KIF13B: variants seen among roughly 807,000 people sequenced by gnomAD.
The protein encoded by KIF13B is kinesin family member 13B, also known as kinesin-like protein KIF13B.
In KIF13B, 127 loss-of-function variants were observed where a neutral mutation model predicts 222.0. That is an observed-to-expected ratio of 0.57 (90% CI 0.50 to 0.66). KIF13B has a LOEUF of 0.66. KIF13B is among the 30% of genes least tolerant of loss of function. KIF13B has a pLI of 0.00. For missense variants in KIF13B, 2,173 were observed against 2,379.0 expected, an observed-to-expected ratio of 0.91 and a Z score of 1.80; for synonymous variants, 976 against 919.0, an observed-to-expected ratio of 1.06 and a Z score of -1.12.
intron 2 of KIF13B, among the ~76,000 whole-genome samples, chr8:29,238,768 A>C (rs1815625986): frequency 6.6e-6 from 1 of 152,210 alleles, no homozygotes. Flanking sequence ...AACACCAAAA[A>C]AATCAGTGTT....
chr8:29,169,425 T>G (rs1312960284), intron 10 of KIF13B, among the ~76,000 whole-genome samples: 4 of 152,170 alleles, frequency 2.6e-5, no homozygotes, highest in Non-Finnish European at 4.4e-5. Context: ...ACAGAGAAAG[T>G]TCAGGCCTGA....
In KIF13B at chr8:29,236,674, G is replaced by T. The variant is rs74536399; in HGVS notation, c.149+8672C>A. On this transcript the variant is annotated intron_variant, in intron 2 of 39. Transcript: ENST00000524189. ...TTAATTAAAAGTATATATAAATTACGTTTGATAGAAGTAAAGCAAAGGTGA... is the reference window on the plus strand; with the variant it reads ...TTAATTAAAAGTATATATAAATTACTTTTGATAGAAGTAAAGCAAAGGTGA... Among the ~76,000 whole-genome samples the T allele has an allele frequency of 9.7e-3, 1,482 of 152,084 alleles. 36 individuals carry two copies. Among genetic ancestry groups the T allele is most frequent in the African/African-American group, 0.035 (1,435 of 41,486 alleles).
At chr8:29,155,933 CTT>C (rs553813055) in intron 13 of KIF13B, 77 bp from the exon 14 acceptor site, 1 of 1,196,766 alleles carries the variant, frequency 8.4e-7, no homozygotes, top group South Asian at 1.3e-5. Flanking sequence ...ACTGAGCCCT[CTT>C]ATATTGTCCT....
intron 2 of KIF13B, among the ~76,000 whole-genome samples, chr8:29,240,037 GA>G (rs35425328): frequency 0.023 from 3,067 of 131,524 alleles, 87 homozygotes; most frequent in African/African-American, 0.076. Context: ...CACAAAAGAG[GA>G]AAAAAAAAAA....
intron 24 of KIF13B, 109 bp from the exon 25 acceptor site, chr8:29,127,377 CTG>C (rs1293996399): frequency 3.6e-6 from 3 of 837,302 alleles, no homozygotes; most frequent in Non-Finnish European, 5.7e-6. Context: ...AATTCAGACA[CTG>C]TCACTATACC....
intron 35 of KIF13B, among the ~76,000 whole-genome samples, chr8:29,103,601 G>A (rs1383894243): frequency 6.6e-6 from 1 of 152,144 alleles, no homozygotes; most frequent in African/African-American, 2.4e-5. Flanking sequence ...ATTTGGAATA[G>A]TTAACAAAAC....
At chr8:29,179,633 G>C (rs1183979251) in intron 8 of KIF13B, among the ~76,000 whole-genome samples, 2 of 152,202 alleles carry the variant, frequency 1.3e-5, no homozygotes, top group African/African-American at 4.8e-5. Context: ...GCAGAGCAGA[G>C]GCTGCCTGCT....
At chr8:29,183,312 C>T (rs1402509797) in intron 6 of KIF13B, among the ~76,000 whole-genome samples, 3 of 151,916 alleles carry the variant, frequency 2.0e-5, no homozygotes, top group Admixed American at 2.0e-4. Context: ...TCACCACACC[C>T]AGCTCATTTT....
At chr8:29,237,047 T>C (rs1021885224) in intron 2 of KIF13B, among the ~76,000 whole-genome samples, 1 of 152,200 alleles carries the variant, frequency 6.6e-6, no homozygotes, top group African/African-American at 2.4e-5. Flanking sequence ...ACACTGTTGA[T>C]GTTCGAATAT....
intron 3 of KIF13B, 111 bp from the exon 4 acceptor site, chr8:29,191,168 T>C: frequency 1.3e-6 from 1 of 763,172 alleles, no homozygotes; most frequent in Non-Finnish European, 2.2e-6. Flanking sequence ...TGTCATACAA[T>C]GGGAATTAAT....
Position 29,176,125 on chromosome 8 carries a change from G to C in KIF13B, c.888C>G (p.Gly296=), listed in dbSNP as rs780163158. 3 of 1,613,586 alleles carry C rather than the reference G, an allele frequency of 1.9e-6. No individual in the cohort carries two copies. Among genetic ancestry groups the C allele is most frequent in the South Asian group, 1.1e-5 (1 of 91,028 alleles). ...ATGGAACAAATTTATTCTTGTTTTT[G>C]CCAGCACTCTGATCTGCAAGAGCTG... ...VISALADQSA[G]KNKNKFVPYR... The change falls in exon 10 of 40, where the codon GGC becomes GGG. Residue 296 remains glycine, a synonymous_variant. Coordinates refer to ENST00000524189, the MANE Select transcript of KIF13B (RefSeq NM_015254.4).
At chr8:29,090,803 G>A (rs771275951) in intron 37 of KIF13B, among the ~76,000 whole-genome samples, 26 of 152,132 alleles carry the variant, frequency 1.7e-4, no homozygotes, top group African/African-American at 4.6e-4. Context: ...TCTGCCTCCC[G>A]CGTTCAAGCG....
chr8:29,252,367 T>C (rs1816317111), intron 1 of KIF13B, among the ~76,000 whole-genome samples: 2 of 152,374 alleles, frequency 1.3e-5, no homozygotes, highest in Admixed American at 6.5e-5. Flanking sequence ...ATGTTCCATC[T>C]GGGGAAATGC....
At chr8:29,247,553 G>C (rs1203415964) in intron 1 of KIF13B, among the ~76,000 whole-genome samples, 1 of 152,020 alleles carries the variant, frequency 6.6e-6, no homozygotes, top group Non-Finnish European at 1.5e-5. Context: ...AATAGGCCAG[G>C]TGCAATGGCT....
chr8:29,126,232 T>A (rs951795493), intron 26 of KIF13B, among the ~76,000 whole-genome samples: 6 of 152,180 alleles, frequency 3.9e-5, no homozygotes, highest in Admixed American at 1.3e-4. Context: ...GAAACGGATC[T>A]TCAGGGAGCC....
In KIF13B at chr8:29,170,548, AC is replaced by A. The variant is rs199541526; in HGVS notation, c.946-2964del. Among the ~76,000 whole-genome samples, 1,185 of 152,318 alleles carry A rather than the reference AC, an allele frequency of 7.8e-3. 6 individuals carry two copies. Among genetic ancestry groups the A allele is most frequent in the African/African-American group, 0.013 (528 of 41,572 alleles). On this transcript the variant is annotated intron_variant, in intron 10 of 39. Transcript: ENST00000524189. ...ACTCTCACAGAAAGTGACACTTGAG[AC>A]CCAAAGATAGAGAAGCATCACCCAG...
At chr8:29,102,053 A>G (rs1009457924) in intron 35 of KIF13B, among the ~76,000 whole-genome samples, 3 of 151,814 alleles carry the variant, frequency 2.0e-5, no homozygotes, top group Admixed American at 6.6e-5. Flanking sequence ...GCTGTCCTAG[A>G]GTTATCCTCC....
At chr8:29,097,080 C>T (rs759993869) in intron 36 of KIF13B, among the ~76,000 whole-genome samples, 15 of 152,060 alleles carry the variant, frequency 9.9e-5, no homozygotes, top group Non-Finnish European at 2.1e-4. Flanking sequence ...ACAAGGCAAT[C>T]GCTTTTAATT....
chr8:29,147,456 T>G lies in KIF13B; in HGVS notation c.1960A>C (p.Met654Leu), dbSNP rs1485051821. The change falls in exon 17 of 40, where the codon ATG (methionine) becomes CTG (leucine). Residue 654 changes from methionine (M) to leucine (L), a missense_variant. This residue lies in a region of KIF13B where 1,480 missense variants were observed against 1,722.8 expected (regional missense o/e 0.86). Transcript: ENST00000524189. The stretch of plus-strand genomic sequence containing the variant: ...GGCGAGTGGAAAGAAAACCTGTCCA[T>G]GCTCCGGCAGTTCTGCTTCTCAGGA... The part of the protein sequence containing the change: ...LSPEKQNCRS[M>L]DRFSFHSPSA... 6 of 1,612,762 alleles carry G rather than the reference T, an allele frequency of 3.7e-6. No homozygotes were observed. The South Asian group carries it at 6.6e-5, about 18-fold the overall frequency.
Sources: gnomAD v4.1 joint callset for allele counts (sites outside exome capture counted in the v4.1 genomes callset) on GRCh38, gnomAD v4.1.1 for gene constraint, gnomAD v4.1.1 regional missense constraint, MANE v1.5 for transcripts, NCBI Gene and HGNC (gene_info 2026-07-23, HGNC 2026-07-21) for gene names.